The following CACNG7 variants were observed in gnomAD, a reference collection of about 807,000 sequenced individuals.
CACNG7 encodes voltage-dependent calcium channel gamma-7 subunit.
Under a neutral mutation model 26.3 loss-of-function variants are expected in CACNG7, and 9 were observed. That is an observed-to-expected ratio of 0.34 (90% CI 0.21 to 0.60). The LOEUF (loss-of-function observed/expected upper bound fraction) is 0.60. Ranked by LOEUF, CACNG7 falls within the 20% of genes least tolerant of loss-of-function variation. The pLI is 0.81. For missense variants in CACNG7, 297 were observed against 380.4 expected (o/e 0.78, Z 1.82); for synonymous variants, 170 against 157.0 (o/e 1.08, Z -0.62).
chr19:53,931,839 GCAAGCTCCGCCTCC>G (rs2069074920), intron 4 of CACNG7, among the ~76,000 whole-genome samples: 1 of 135,068 alleles, frequency 7.4e-6, no homozygotes, highest in Non-Finnish European at 1.5e-5. Flanking sequence ...TCGGCTCACT[GCAAGCTCCGCCTCC>G]CAGGTTTGCG....
Position 53,942,201 on chromosome 19 carries a change from A to T in CACNG7, c.736A>T (p.Ile246Phe), listed in dbSNP as rs773965529. The change falls in exon 6 of 6, where the codon ATC becomes TTC. Residue 246 changes from isoleucine to phenylalanine, a missense_variant. Transcript: ENST00000391767. This position sits in a 1 kb window ranked among gnomAD's most constrained non-coding sequence, Gnocchi z 5.9. ...AWRRGRSPSD[I>F]SSDVSIQMTQ... The stretch of plus-strand genomic sequence containing the variant: ...GCGCCGCGGCCGGAGCCCCTCCGAC[A>T]TCTCCAGCGACGTGTCCATCCAAAT... The T allele has an allele frequency of 1.9e-6, 3 of 1,613,824 alleles. No individual in the cohort carries two copies. The East Asian group carries it at 6.7e-5, about 36-fold the overall frequency.
At position 53,924,809 on chromosome 19, in the gene CACNG7, C is replaced by CTTGCCTAGGGCTGGTCATTGGTGGAG. The variant is rs2069010338; in HGVS notation, c.424+9309_424+9310insTAGGGCTGGTCATTGGTGGAGTTGCC. ...TTGCCTAGTGCTGGTCATTGGTGGA[C>CTTGCCTAGGGCTGGTCATTGGTGGAG]TTGCCCCAGGTCTGGTCATTGGTGG... is the stretch of plus-strand genomic sequence containing the variant. On this transcript the variant is annotated intron_variant, in intron 4 of 5. Transcript: ENST00000391767. Among the ~76,000 whole-genome samples the CTTGCCTAGGGCTGGTCATTGGTGGAG allele has an allele frequency of 2.0e-5, 2 of 97,700 alleles. 1 individual carries two copies. The highest frequency in any genetic ancestry group is 8.9e-5 in the African/African-American group (2 of 22,466). The allele number at this position is 97,700 out of a possible 152,430, so 64.1% of individuals were successfully genotyped here.
chr19:53,911,975 G>T (rs948971051), intron 1 of CACNG7, among the ~76,000 whole-genome samples: 1 of 152,114 alleles, frequency 6.6e-6, no homozygotes, highest in Admixed American at 6.6e-5. Flanking sequence ...CCTGGTATGG[G>T]GTTAGAGATC....
At chr19:53,919,950 G>C (rs1165928049) in intron 4 of CACNG7, among the ~76,000 whole-genome samples, 1 of 123,516 alleles carries the variant, frequency 8.1e-6, no homozygotes, top group Non-Finnish European at 1.6e-5. Context: ...TGGTGGAGTT[G>C]CCCCAGGTCT....
chr19:53,921,730 T>G (rs2068956146), intron 4 of CACNG7, among the ~76,000 whole-genome samples: 1 of 103,122 alleles, frequency 9.7e-6, no homozygotes, highest in African/African-American at 5.6e-5. Flanking sequence ...AGGCTGGTCA[T>G]TGGTGGAGTT....
intron 4 of CACNG7, among the ~76,000 whole-genome samples, chr19:53,928,450 A>AT (rs1257725324): frequency 6.6e-6 from 1 of 151,440 alleles, no homozygotes; most frequent in Non-Finnish European, 1.5e-5. Flanking sequence ...TTTTTTTTGT[A>AT]TTTTTGTAGA....
intron 2 of CACNG7, 129 bp downstream of exon 2, chr19:53,913,156 A>G (rs1265857575): frequency 3.7e-6 from 3 of 820,574 alleles, no homozygotes; most frequent in Non-Finnish European, 5.6e-6. Context: ...TGGAAGTTCA[A>G]ATTTCTACGT....
intron 4 of CACNG7, among the ~76,000 whole-genome samples, chr19:53,921,829 GT>G (rs1337348610): frequency 3.8e-5 from 4 of 105,138 alleles, no homozygotes; most frequent in Admixed American, 8.2e-5. Flanking sequence ...GTTGCCCCAG[GT>G]CTGGTCATTG....
intron 2 of CACNG7, 87 bp downstream of exon 2, chr19:53,913,114 C>G (rs1274948600): frequency 1.7e-6 from 2 of 1,179,848 alleles, no homozygotes; most frequent in East Asian, 2.5e-5. Context: ...CCTTGAGTTC[C>G]AGAAATCCAG....
rs571235481 is a variant in CACNG7 at position 53,929,016 on chromosome 19, G to A, written c.425-12454G>A. ...CTCAGCTACTCAGGAGGCTGAGGCAGGAGAATCACTTGAACCCGGGAGGCA... is the reference window on the plus strand; with the variant it reads ...CTCAGCTACTCAGGAGGCTGAGGCAAGAGAATCACTTGAACCCGGGAGGCA... On this transcript the variant is annotated intron_variant, in intron 4 of 5. Coordinates refer to ENST00000391767, the MANE Select transcript of CACNG7 (RefSeq NM_031896.5). 9.9e-5 allele frequency among the ~76,000 whole-genome samples: 15 copies of A among 151,396 alleles called. 1 individual carries two copies. In the South Asian group the frequency reaches 3.1e-3, roughly 32 times the overall value.
intron 4 of CACNG7, among the ~76,000 whole-genome samples, chr19:53,921,056 TC>T (rs2068944631): frequency 1.3e-5 from 1 of 75,044 alleles, no homozygotes; most frequent in Admixed American, 1.2e-4. Flanking sequence ...CCAGGCCTGG[TC>T]ATTGGTGGAC....
intron 4 of CACNG7, among the ~76,000 whole-genome samples, chr19:53,919,480 C>G (rs2068921664): frequency 6.7e-6 from 1 of 148,890 alleles, no homozygotes; most frequent in Non-Finnish European, 1.5e-5. Flanking sequence ...GGACTTGCCC[C>G]AGGTCTGGTC....
intron 4 of CACNG7, among the ~76,000 whole-genome samples, chr19:53,916,846 G>A (rs1445606756): frequency 7.0e-6 from 1 of 142,782 alleles, no homozygotes; most frequent in Non-Finnish European, 1.5e-5. Flanking sequence ...TGCCCAGGCT[G>A]GAGCCCACTG....
At chr19:53,941,410 C>G (rs1432177666) in intron 4 of CACNG7, 60 bp from the exon 5 acceptor site, 1 of 1,470,964 alleles carries the variant, frequency 6.8e-7, no homozygotes, top group Non-Finnish European at 9.0e-7. Flanking sequence ...TGAGGTGGGG[C>G]TGGGGCTGGG....
intron 4 of CACNG7, among the ~76,000 whole-genome samples, chr19:53,915,733 G>A (rs185040004): frequency 1.3e-5 from 2 of 152,248 alleles, no homozygotes; most frequent in East Asian, 1.9e-4. Flanking sequence ...TAGGTACCAG[G>A]CTCTATTCTC....
intron 4 of CACNG7, among the ~76,000 whole-genome samples, chr19:53,929,337 C>G (rs1310709580): frequency 6.6e-6 from 1 of 152,066 alleles, no homozygotes; most frequent in Non-Finnish European, 1.5e-5. Context: ...TTAGGCACTG[C>G]AGTGAATGTG....
In CACNG7 at chr19:53,929,111, C is replaced by CA. The variant is rs1157941961; in HGVS notation, c.425-12349dup. The stretch of plus-strand genomic sequence containing the variant: ...TGGGTGACACAGTGAGACTCCACCT[C>CA]AAAAAAAAAACAAAAAAAAAAAAAA... On this transcript the variant is annotated intron_variant, in intron 4 of 5. Transcript: ENST00000391767. Among the ~76,000 whole-genome samples the CA allele has an allele frequency of 1.8e-3, 64 of 36,328 alleles. 1 individual carries two copies. The highest frequency in any genetic ancestry group is 3.2e-3 in the South Asian group (3 of 930). 23.8% of individuals were successfully genotyped at this position (36,328 alleles called of 152,430 possible).
At position 53,942,656 on chromosome 19, in the gene CACNG7, A is replaced by G. The variant is rs545212647; in HGVS notation, c.*363A>G. 1.8e-5 allele frequency: 17 copies of G among 969,452 alleles called. No individual in the cohort carries two copies. The African/African-American group carries it at 1.9e-4, about 11-fold the overall frequency. 60.1% of individuals were successfully genotyped at this position (969,452 alleles called of 1,614,324 possible). A position where few individuals can be genotyped will look rare whatever the true frequency, so the allele number is the denominator to read the frequency against. ...AGGCGGTGCAAGCGCCCAGCTCCCC[A>G]GAGCTCCCCAACCTCGGACCTCACC... On this transcript the variant is annotated 3_prime_UTR_variant, in exon 6 of 6. Transcript: ENST00000391767. This position sits in a 1 kb window ranked among gnomAD's most constrained non-coding sequence, Gnocchi z 5.9.
chr19:53,914,204 GT>G (rs2068878830), intron 2 of CACNG7, among the ~76,000 whole-genome samples: 1 of 149,926 alleles, frequency 6.7e-6, no homozygotes, highest in African/African-American at 2.5e-5. Flanking sequence ...AACCTGGGAG[GT>G]AGAGGTTGTG....
Sources: allele counts gnomAD v4.1 joint callset (sites outside exome capture counted in the v4.1 genomes callset), GRCh38; gene constraint gnomAD v4.1.1; non-coding constraint Gnocchi (gnomAD v3.1); transcripts MANE v1.5; gene names NCBI Gene and HGNC (gene_info 2026-07-23, HGNC 2026-07-21).